Variants in WDFY2 observed in about 807,000 individuals in gnomAD.
WDFY2 encodes the protein WD repeat and FYVE domain-containing protein 2.
A neutral mutation model predicts 56.4 loss-of-function variants in WDFY2; 36 were observed. That is an observed-to-expected ratio of 0.64 (90% CI 0.49 to 0.84). The LOEUF (loss-of-function observed/expected upper bound fraction) is 0.84, where lower values mean the gene tolerates loss of function less well. WDFY2 is among the 40% of genes least tolerant of loss of function. WDFY2 has a pLI of 0.00. For synonymous variants in WDFY2, 176 were observed against 183.7 expected, an observed-to-expected ratio of 0.96 and a Z score of 0.34; for missense variants, 444 against 512.2, an observed-to-expected ratio of 0.87 and a Z score of 1.29.
chr13:51,726,140 C>T (rs1411278509), intron 5 of WDFY2, among the ~76,000 whole-genome samples: 1 of 152,220 alleles, frequency 6.6e-6, no homozygotes, highest in African/African-American at 2.4e-5. Context: ...CATACATGCA[C>T]ATGCACACAC....
chr13:51,589,584 C>T (rs1226646560), intron 1 of WDFY2: 1 of 152,104 alleles, frequency 6.6e-6, no homozygotes, highest in Non-Finnish European at 1.5e-5. Flanking sequence ...AGTTGAGCTC[C>T]TGATAGAGTT....
At chr13:51,617,417 G>A (rs938336274) in intron 1 of WDFY2, among the ~76,000 whole-genome samples, 3 of 151,556 alleles carry the variant, frequency 2.0e-5, no homozygotes, top group African/African-American at 7.3e-5. Context: ...TCAGCTCACT[G>A]CAACCTCTGC....
At chr13:51,643,501 T>C (rs540325182) in intron 1 of WDFY2, among the ~76,000 whole-genome samples, 1 of 152,338 alleles carries the variant, frequency 6.6e-6, no homozygotes, top group East Asian at 1.9e-4. Context: ...TATTTAAATC[T>C]ATATTATTCC....
intron 1 of WDFY2, among the ~76,000 whole-genome samples, chr13:51,602,287 G>A (rs186416707): frequency 3.9e-4 from 59 of 152,296 alleles, no homozygotes; most frequent in African/African-American, 1.3e-3. Context: ...AACTTTTTCC[G>A]TGTTTAAATC....
chr13:51,722,763 A>G (rs1301041522), intron 5 of WDFY2, among the ~76,000 whole-genome samples: 5 of 152,238 alleles, frequency 3.3e-5, no homozygotes, highest in Admixed American at 2.6e-4. Flanking sequence ...AACTGGGTAC[A>G]GCAGAATGGG....
chr13:51,730,414 G>T (rs1347540297), intron 6 of WDFY2, among the ~76,000 whole-genome samples: 5 of 152,130 alleles, frequency 3.3e-5, no homozygotes. Flanking sequence ...GCTTTCTCAG[G>T]CTCCACTGTG....
chr13:51,598,637 CTA>C (rs954157634), intron 1 of WDFY2: 10 of 152,278 alleles, frequency 6.6e-5, no homozygotes, highest in African/African-American at 2.2e-4. Context: ...TGTAATAGGA[CTA>C]TGTGTACTCG....
intron 1 of WDFY2, among the ~76,000 whole-genome samples, chr13:51,655,537 C>T (rs1267194777): frequency 6.6e-6 from 1 of 151,998 alleles, no homozygotes; most frequent in East Asian, 1.9e-4. Context: ...TGGGATAAAT[C>T]ACACTCAGTC....
At chr13:51,752,569 C>T (rs1284107325) in intron 8 of WDFY2, among the ~76,000 whole-genome samples, 1 of 152,096 alleles carries the variant, frequency 6.6e-6, no homozygotes, top group African/African-American at 2.4e-5. Context: ...GAGAAGGACC[C>T]AATTCTTTTC....
Position 51,759,840 on chromosome 13 carries a change from A to T in WDFY2, c.*71A>T. The T allele has an allele frequency of 1.3e-6, 2 of 1,488,886 alleles. No homozygotes were observed. Among genetic ancestry groups the T allele is most frequent in the Non-Finnish European group, 1.9e-6 (2 of 1,071,312 alleles). The allele number at this position is 1,488,886 out of a possible 1,614,324, so 92.2% of individuals were successfully genotyped here. A position where few individuals can be genotyped will look rare whatever the true frequency, so the allele number is the denominator to read the frequency against. On this transcript the variant is annotated 3_prime_UTR_variant, in exon 12 of 12. Transcript: ENST00000298125. ...TTGTTTTAACCCAAATCATTACCAGAGTGGTAAAGCAGACATGTGAGAAGT... is the reference window on the plus strand; with the variant it reads ...TTGTTTTAACCCAAATCATTACCAGTGTGGTAAAGCAGACATGTGAGAAGT...
In WDFY2 at chr13:51,767,273, ATCC is replaced by A. The variant is rs1160778377; in HGVS notation, c.*7509_*7511del. 2 of 152,236 alleles carry A rather than the reference ATCC, an allele frequency of 1.3e-5. No homozygotes were observed. Among genetic ancestry groups the A allele is most frequent in the Non-Finnish European group, 2.9e-5 (2 of 68,038 alleles). 9.4% of individuals were successfully genotyped at this position (152,236 alleles called of 1,614,324 possible). Reference sequence around the variant, plus strand: ...ACACCCAGCATTGCTGAGGCCCATCATCCTCCTGCAGAAAAGGAGGCATGCAGT... The same window carrying A: ...ACACCCAGCATTGCTGAGGCCCATCATCCTGCAGAAAAGGAGGCATGCAGT... On this transcript the variant is annotated 3_prime_UTR_variant, in exon 12 of 12. Coordinates refer to ENST00000298125, the MANE Select transcript of WDFY2 (RefSeq NM_052950.4).
chr13:51,614,421 CTTT>C (rs1341612357), intron 1 of WDFY2, among the ~76,000 whole-genome samples: 2 of 152,142 alleles, frequency 1.3e-5, no homozygotes, highest in African/African-American at 4.8e-5. Flanking sequence ...GGTTATTTTC[CTTT>C]TATACCAAGA....
At chr13:51,618,864 A>G (rs1954673204) in intron 1 of WDFY2, among the ~76,000 whole-genome samples, 1 of 152,218 alleles carries the variant, frequency 6.6e-6, no homozygotes, top group Non-Finnish European at 1.5e-5. Context: ...GCCATTGTGA[A>G]TAGTGGAGGA....
chr13:51,756,542 C>A, intron 10 of WDFY2, 80 bp downstream of exon 10: 1 of 1,507,144 alleles, frequency 6.6e-7, no homozygotes, highest in Non-Finnish European at 8.9e-7. Context: ...CCGCAACCAT[C>A]ACTCAGGTTG....
At chr13:51,641,112 G>T (rs1955146483) in intron 1 of WDFY2, among the ~76,000 whole-genome samples, 1 of 151,956 alleles carries the variant, frequency 6.6e-6, no homozygotes, top group African/African-American at 2.4e-5. Flanking sequence ...TCACTCTGTT[G>T]CCCAGGCTGG....
rs769917077 is a variant in WDFY2 at position 51,752,608 on chromosome 13, T to C, written c.831+1193T>C. Reference sequence around the variant, plus strand: ...TGGTGCACGTAGCCTGGACCCGTTATGGACAGAGGCCAAAGGAAGATAACA... The same window carrying C: ...TGGTGCACGTAGCCTGGACCCGTTACGGACAGAGGCCAAAGGAAGATAACA... On this transcript the variant is annotated intron_variant, in intron 8 of 11. Transcript: ENST00000298125. 7.7e-4 allele frequency among the ~76,000 whole-genome samples: 117 copies of C among 152,318 alleles called. 1 individual carries two copies. The highest frequency in any genetic ancestry group is 2.1e-4 in the Non-Finnish European group (14 of 68,026).
intron 2 of WDFY2, among the ~76,000 whole-genome samples, chr13:51,670,564 G>A (rs922959553): frequency 3.3e-5 from 5 of 151,128 alleles, no homozygotes; most frequent in African/African-American, 9.8e-5. Context: ...TTTCCCAAAT[G>A]CCTGTTTGAA....
intron 1 of WDFY2, among the ~76,000 whole-genome samples, chr13:51,624,340 C>A (rs1436976977): frequency 1.3e-5 from 2 of 152,124 alleles, no homozygotes; most frequent in Non-Finnish European, 2.9e-5. Flanking sequence ...TTTTTCCACC[C>A]CTGATTTGCT....
chr13:51,665,343 G>A (rs1365822192), intron 2 of WDFY2, among the ~76,000 whole-genome samples: 5 of 152,162 alleles, frequency 3.3e-5, no homozygotes, highest in Non-Finnish European at 7.3e-5. Context: ...CCTTGCATGA[G>A]CTTGTAAACC....
Sources: allele counts gnomAD v4.1 joint callset (sites outside exome capture counted in the v4.1 genomes callset), GRCh38; gene constraint gnomAD v4.1.1; transcripts MANE v1.5; gene names NCBI Gene and HGNC (gene_info 2026-07-23, HGNC 2026-07-21).